Variants in TNRC18 observed in about 807,000 individuals in gnomAD.
The protein encoded by TNRC18 is trinucleotide repeat containing 18, also known as trinucleotide repeat-containing gene 18 protein.
In TNRC18, 69 loss-of-function variants were observed where a neutral mutation model predicts 226.7. The observed-to-expected ratio is 0.30, with a 90% CI of 0.25 to 0.37. The LOEUF is 0.37. TNRC18 is among the 10% of genes least tolerant of loss of function. The pLI is 1.00. For missense variants in TNRC18, 4,754 were observed against 4,256.6 expected (o/e 1.12, Z -3.25); for synonymous variants, 2,449 against 1,927.6 (o/e 1.27, Z -7.09).
rs553075020 is a variant in TNRC18 at position 5,377,413 on chromosome 7, G to C, written c.2419C>G (p.Arg807Gly). The C allele has an allele frequency of 5.6e-6, 9 of 1,594,704 alleles. No individual in the cohort carries two copies. The highest frequency in any genetic ancestry group is 1.3e-5 in the African/African-American group (1 of 74,590). Residue 807 changes from arginine to glycine, a missense_variant, in exon 7 of 30, where the codon CGC (arginine) becomes GGC (glycine). Arg to Gly is a moderately radical substitution (Grantham distance 125). Coordinates refer to ENST00000430969, the MANE Select transcript of TNRC18 (RefSeq NM_001080495.3). This position sits in a 1 kb window ranked among gnomAD's most constrained non-coding sequence, Gnocchi z 5.8. ...AHLATHPWLPRSGNASMWLAG... is the reference protein window; with the variant it reads ...AHLATHPWLPGSGNASMWLAG... ...AGCCACATGGATGCGTTGCCCGAGC[G>C]GGGCAACCAGGGGTGCGTGGCCAGA...
rs974476786 is a variant in TNRC18 at position 5,332,631 on chromosome 7, G to A, written c.6138C>T (p.Asp2046=). 13 of 1,528,244 alleles carry A rather than the reference G, an allele frequency of 8.5e-6. No individual in the cohort carries two copies. Among genetic ancestry groups the A allele is most frequent in the African/African-American group, 2.9e-5 (2 of 70,052 alleles). The allele number at this position is 1,528,244 out of a possible 1,614,324, so 94.7% of individuals were successfully genotyped here. A position where few individuals can be genotyped will look rare whatever the true frequency, so the allele number is the denominator to read the frequency against. The change falls in exon 19 of 30, where the codon GAC becomes GAT. Residue 2046 remains aspartate (D), a synonymous_variant. Transcript: ENST00000430969. ...CCAGCGCGGCCCCTACCTTCCTGGG[G>A]TCCTTCCTGTCCTTTGCACGCCCGG... ...KDAGRAKDRK[D]PRKKKKGKEA... is the part of the protein sequence containing the mutation.
At chr7:5,412,762 G>C (rs1781926187) in intron 2 of TNRC18, among the ~76,000 whole-genome samples, 1 of 152,176 alleles carries the variant, frequency 6.6e-6, no homozygotes, top group Admixed American at 6.6e-5. Flanking sequence ...CCTGCCTCTA[G>C]ATGGAGCAGT....
In TNRC18 at chr7:5,312,451, G is replaced by A. The variant is rs1027118630; in HGVS notation, c.8388+52C>T. 4.9e-5 allele frequency: 78 copies of A among 1,590,886 alleles called. No homozygotes were observed. The Middle Eastern group carries it at 1.1e-3, about 23-fold the overall frequency. ...AGCATGAAGCCGTGGGCCCAGCAGAGAGACACAAGGCCCCCGGCCCCTCGG... is the reference window on the plus strand; with the variant it reads ...AGCATGAAGCCGTGGGCCCAGCAGAAAGACACAAGGCCCCCGGCCCCTCGG... On this transcript the variant is annotated intron_variant, in intron 27 of 29. Coordinates refer to ENST00000430969, the MANE Select transcript of TNRC18 (RefSeq NM_001080495.3). This position sits in a 1 kb window ranked among gnomAD's most constrained non-coding sequence, Gnocchi z 6.3.
At chr7:5,317,066 G>A (rs1453013766) in intron 24 of TNRC18, among the ~76,000 whole-genome samples, 1 of 152,106 alleles carries the variant, frequency 6.6e-6, no homozygotes, top group Non-Finnish European at 1.5e-5. Flanking sequence ...GCCAGATGCT[G>A]GTACTATATC....
Position 5,324,544 on chromosome 7 carries a change from G to A in TNRC18, c.6301-189C>T, listed in dbSNP as rs1036125588. On this transcript the variant is annotated intron_variant, in intron 20 of 29. Transcript: ENST00000430969. This position sits in a 1 kb window ranked among gnomAD's most constrained non-coding sequence, Gnocchi z 4.8. The stretch of plus-strand genomic sequence containing the variant: ...GGTGAAATGGGCCCAAAACCCAGCT[G>A]GCCCATGCTCAGTACTCGGTGCTCA... 8.5e-5 allele frequency among the ~76,000 whole-genome samples: 13 copies of A among 152,162 alleles called. No homozygotes were observed. The highest frequency in any genetic ancestry group is 6.6e-4 in the Admixed American group (10 of 15,266).
chr7:5,393,701 T>A (rs1294147864), intron 3 of TNRC18, among the ~76,000 whole-genome samples: 1 of 152,122 alleles, frequency 6.6e-6, no homozygotes, highest in African/African-American at 2.4e-5. Flanking sequence ...CAGAGGAGCT[T>A]GGAGGTCTGC....
rs753861831 is a variant in TNRC18, at chr7:5,313,004, T to TGAGGAG, written c.7881_7886dup (p.Ser2670_Ser2671dup). 121 of 749,680 alleles carry TGAGGAG rather than the reference T, an allele frequency of 1.6e-4. No individual in the cohort carries two copies. The highest frequency in any genetic ancestry group is 7.3e-4 in the East Asian group (23 of 31,382). The allele number at this position is 749,680 out of a possible 1,614,324, so 46.4% of individuals were successfully genotyped here. On this transcript the variant is annotated inframe_insertion, in exon 27 of 30. Coordinates refer to ENST00000430969, the MANE Select transcript of TNRC18 (RefSeq NM_001080495.3). ...AAGAGGAGGAGGAGGAAGAGGAGGA[T>TGAGGAG]GAGGAGGAGGAGGAGGAGGAGGAGG...
At chr7:5,419,629 G>C (rs1021092203) in intron 2 of TNRC18, among the ~76,000 whole-genome samples, 6 of 152,308 alleles carry the variant, frequency 3.9e-5, no homozygotes, top group African/African-American at 1.4e-4. Flanking sequence ...CCCGGTCACA[G>C]ACCCCGGGCG....
At chr7:5,413,081 T>C (rs946861195) in intron 2 of TNRC18, among the ~76,000 whole-genome samples, 4 of 152,128 alleles carry the variant, frequency 2.6e-5, no homozygotes, top group African/African-American at 9.7e-5. Flanking sequence ...CAGCAGGCCC[T>C]GGGGAGGCCC....
intron 24 of TNRC18, among the ~76,000 whole-genome samples, chr7:5,318,915 A>G (rs182174056): frequency 6.6e-6 from 1 of 152,114 alleles, no homozygotes; most frequent in Non-Finnish European, 1.5e-5. Context: ...ACTCCCACAG[A>G]CTCTTCCTCA....
chr7:5,331,159 G>A (rs904927623), intron 19 of TNRC18, among the ~76,000 whole-genome samples: 4 of 152,034 alleles, frequency 2.6e-5, no homozygotes, highest in Non-Finnish European at 4.4e-5. Flanking sequence ...CATCTTTTTT[G>A]TGATCTTCTC....
intron 2 of TNRC18, among the ~76,000 whole-genome samples, chr7:5,398,324 C>T (rs538496390): frequency 2.6e-5 from 4 of 152,218 alleles, no homozygotes; most frequent in East Asian, 3.9e-4. Context: ...GTATACCCCA[C>T]GACGCCTGGC....
At position 5,332,839 on chromosome 7, in the gene TNRC18, G is replaced by C. The variant is rs1246659079; in HGVS notation, c.5930C>G (p.Pro1977Arg). Reference sequence around the variant, plus strand: ...CCCCGCCTCGAAGCCAGGCTCCTTGGGGCCCCGCAGCTTCCGGGCCTTGCG... The same window carrying C: ...CCCCGCCTCGAAGCCAGGCTCCTTGCGGCCCCGCAGCTTCCGGGCCTTGCG... ...KGRKARKLRG[P>R]KEPGFEAGPE... Residue 1977 changes from proline (P) to arginine (R), a missense_variant, in exon 19 of 30, where the codon CCC (proline) becomes CGC (arginine). By Grantham distance (103) the Pro-to-Arg change is moderately radical (BLOSUM62 -2). Coordinates refer to ENST00000430969, the MANE Select transcript of TNRC18 (RefSeq NM_001080495.3). 2.0e-6 allele frequency: 3 copies of C among 1,507,906 alleles called. No homozygotes were observed. Among genetic ancestry groups the C allele is most frequent in the Non-Finnish European group, 1.8e-6 (2 of 1,137,608 alleles). The allele number at this position is 1,507,906 out of a possible 1,614,324, so 93.4% of individuals were successfully genotyped here.
At chr7:5,355,335 A>G (rs1792244466) in intron 16 of TNRC18, among the ~76,000 whole-genome samples, 1 of 152,226 alleles carries the variant, frequency 6.6e-6, no homozygotes, top group Admixed American at 6.5e-5. Context: ...CCATTTCAAG[A>G]GCTCAATAGC....
chr7:5,350,401 A>G (rs1231558027), intron 17 of TNRC18, among the ~76,000 whole-genome samples: 1 of 124,346 alleles, frequency 8.0e-6, no homozygotes, highest in African/African-American at 3.0e-5. Context: ...GCGGTAGACC[A>G]GGAATTCAAG....
rs1782577701 is a variant in TNRC18 at position 5,421,369 on chromosome 7, TGGCGGCGGCCAGCGGGGCTTGCGCTC to T, written c.-149_-124del. On this transcript the variant is annotated 5_prime_UTR_variant, in exon 2 of 30. It introduces an in-frame stop codon into an upstream open reading frame of the 5' UTR. Transcript: ENST00000430969. ...GGCGGCGGGGGCTCCGCGGCGTGCA[TGGCGGCGGCCAGCGGGGCTTGCGCTC>T]GGCGGCGGGCCCGCGGCCCGGGGCG... The T allele has an allele frequency of 1.0e-6, 1 of 955,118 alleles. No individual in the cohort carries two copies. The highest frequency in any genetic ancestry group is 1.3e-6 in the Non-Finnish European group (1 of 748,208). 59.2% of individuals were successfully genotyped at this position (955,118 alleles called of 1,614,324 possible). A position where few individuals can be genotyped will look rare whatever the true frequency, so the allele number is the denominator to read the frequency against.
chr7:5,412,929 G>C (rs1005979649), intron 2 of TNRC18, among the ~76,000 whole-genome samples: 1 of 152,168 alleles, frequency 6.6e-6, no homozygotes, highest in African/African-American at 2.4e-5. Context: ...GCAATGCTGA[G>C]TACACTGGTG....
At chr7:5,311,056 AGTG>A (rs1787146857) in intron 27 of TNRC18, among the ~76,000 whole-genome samples, 1 of 152,188 alleles carries the variant, frequency 6.6e-6, no homozygotes, top group Non-Finnish European at 1.5e-5. Context: ...GTGTGGGTGT[AGTG>A]TATTTGCATA....
At chr7:5,346,142 C>A (rs969640856) in intron 17 of TNRC18, among the ~76,000 whole-genome samples, 1 of 152,270 alleles carries the variant, frequency 6.6e-6, no homozygotes, top group African/African-American at 2.4e-5. Flanking sequence ...AGACAGCGTT[C>A]TCCACAGTCA....
Sources: gnomAD v4.1 joint callset for allele counts (sites outside exome capture counted in the v4.1 genomes callset) on GRCh38, gnomAD v4.1.1 for gene constraint, Gnocchi (gnomAD v3.1) non-coding constraint, MANE v1.5 for transcripts, NCBI Gene and HGNC (gene_info 2026-07-23, HGNC 2026-07-21) for gene names.